The following KIAA1671 variants were observed in gnomAD, a reference collection of about 807,000 sequenced individuals.
KIAA1671 encodes the protein uncharacterized protein KIAA1671.
Under a neutral mutation model 131.2 loss-of-function variants are expected in KIAA1671, and 52 were observed. The observed-to-expected ratio is 0.40, with a 90% CI of 0.32 to 0.50. The LOEUF (loss-of-function observed/expected upper bound fraction) is 0.50. Among genes scored for constraint, KIAA1671 ranks in the 20% least tolerant of loss-of-function variants. The probability of loss-of-function intolerance (pLI) is 0.73; values close to 1 mark genes in which losing one functional copy is unlikely to be tolerated. For missense variants in KIAA1671, 2,360 were observed against 2,364.2 expected, an observed-to-expected ratio of 1.00 and a Z score of 0.04; for synonymous variants, 1,003 against 961.6, an observed-to-expected ratio of 1.04 and a Z score of -0.80.
intron 6 of KIAA1671, among the ~76,000 whole-genome samples, chr22:25,136,359 T>G (rs1932673818): frequency 6.6e-6 from 1 of 152,228 alleles, no homozygotes. Flanking sequence ...ACACAGCCAG[T>G]AAGCATCAGA....
chr22:25,133,444 G>A (rs567032173), intron 6 of KIAA1671, among the ~76,000 whole-genome samples: 1 of 152,318 alleles, frequency 6.6e-6, no homozygotes, highest in East Asian at 1.9e-4. Context: ...TGGTCATTTT[G>A]TTTTCCTTTT....
At chr22:25,024,603 G>C (rs1312209704) in intron 1 of KIAA1671, 1 of 152,244 alleles carries the variant, frequency 6.6e-6, no homozygotes, top group African/African-American at 2.4e-5. Context: ...ATTGCTTAGA[G>C]TCATTTGGCA....
chr22:24,999,790 T>A (rs1423223351), intron 1 of KIAA1671, among the ~76,000 whole-genome samples: 1 of 151,210 alleles, frequency 6.6e-6, no homozygotes, highest in African/African-American at 2.4e-5. Flanking sequence ...CTCAAACTTC[T>A]GGGCTCAAGC....
intron 1 of KIAA1671, among the ~76,000 whole-genome samples, chr22:25,022,006 C>T (rs1925698527): frequency 6.6e-6 from 1 of 151,980 alleles, no homozygotes; most frequent in African/African-American, 2.4e-5. Context: ...GATCTCCTGA[C>T]CTCGTGATCT....
At position 25,029,403 on chromosome 22, in the gene KIAA1671, G is replaced by A. The variant is rs1213766922; in HGVS notation, c.1404G>A (p.Ala468=). 6.4e-6 allele frequency: 10 copies of A among 1,551,290 alleles called. No homozygotes were observed. Among genetic ancestry groups the A allele is most frequent in the African/African-American group, 2.7e-5 (2 of 73,056 alleles). The part of the protein sequence containing the change: ...SPLATPASPS[A]APEPEKGVVS... The stretch of plus-strand genomic sequence containing the variant: ...TGGCCACCCCTGCGTCCCCATCGGC[G>A]GCACCAGAGCCGGAGAAAGGGGTTG... Residue 468 remains alanine (A), a synonymous_variant, in exon 3 of 13, where the codon GCG becomes GCA. Transcript: ENST00000358431.
chr22:25,158,679 A>C (rs187629670), intron 6 of KIAA1671, among the ~76,000 whole-genome samples: 31 of 152,206 alleles, frequency 2.0e-4, no homozygotes, highest in Non-Finnish European at 3.2e-4. Context: ...CAGGCCACTA[A>C]CTTGAAGCCC....
rs560988609 is a variant in KIAA1671 at position 25,194,321 on chromosome 22, C to T, written c.*1920C>T. ...GAACTTCTGGGCTCAAGCAATTGTC[C>T]CTCCTCAGCCTCCCAAAGTGCTCGG... On this transcript the variant is annotated 3_prime_UTR_variant, in exon 13 of 13. Coordinates refer to ENST00000358431, the MANE Select transcript of KIAA1671 (RefSeq NM_001145206.2). 192 of 152,394 alleles carry T rather than the reference C, an allele frequency of 1.3e-3. 3 individuals are homozygous for T. In the South Asian group the frequency reaches 0.031, roughly 25 times the overall value. The allele number at this position is 152,394 out of a possible 1,614,324, so 9.4% of individuals were successfully genotyped here.
intron 1 of KIAA1671, among the ~76,000 whole-genome samples, chr22:24,998,717 C>CA (rs34109303): frequency 0.27 from 20,083 of 75,752 alleles, 2,086 homozygotes; most frequent in East Asian, 0.52. Flanking sequence ...GACTCTGTCT[C>CA]AAAAAAAAAA....
rs76376278 is a variant in KIAA1671, at chr22:25,112,946, G to C, written c.4531-57874G>C. On this transcript the variant is annotated intron_variant, in intron 6 of 12. Transcript: ENST00000358431. ...GGAAAGGGTCTTAGGAGACCGAGGT[G>C]TGGTGGGCGAGTTTGCCCGCTGGCC... 7.6e-3 allele frequency among the ~76,000 whole-genome samples: 1,154 copies of C among 152,162 alleles called. 21 individuals carry two copies. Among genetic ancestry groups the C allele is most frequent in the African/African-American group, 0.027 (1,113 of 41,504 alleles).
chr22:25,057,822 G>C (rs1927939676), intron 6 of KIAA1671: 1 of 152,210 alleles, frequency 6.6e-6, no homozygotes, highest in Admixed American at 6.6e-5. Flanking sequence ...TGTATTTTTT[G>C]TAGAGACAGG....
chr22:25,188,445 CGGGT>C (rs1247731627), intron 11 of KIAA1671, among the ~76,000 whole-genome samples: 9 of 114,872 alleles, frequency 7.8e-5, no homozygotes, highest in South Asian at 3.0e-4. Flanking sequence ...CAGAGCCAAT[CGGGT>C]GTGTGTGTGT....
intron 11 of KIAA1671, among the ~76,000 whole-genome samples, chr22:25,190,399 A>G (rs1006043741): frequency 4.6e-5 from 7 of 152,156 alleles, no homozygotes; most frequent in Non-Finnish European, 7.3e-5. Context: ...AGCTTCGCTC[A>G]CTCGCCCACC....
chr22:24,995,613 C>A (rs564512228), intron 1 of KIAA1671, among the ~76,000 whole-genome samples: 3 of 152,174 alleles, frequency 2.0e-5, no homozygotes, highest in Non-Finnish European at 4.4e-5. Flanking sequence ...ACTGCCTTGG[C>A]CTCCCAAAGT....
At chr22:25,175,083 G>A (rs538493775) in intron 8 of KIAA1671, 16 of 152,542 alleles carry the variant, frequency 1.0e-4, no homozygotes, top group Admixed American at 9.1e-4. Flanking sequence ...CAGGATGTCA[G>A]CTGCCCCAGC....
intron 6 of KIAA1671, among the ~76,000 whole-genome samples, chr22:25,107,653 G>A (rs550312347): frequency 6.6e-6 from 1 of 151,728 alleles, no homozygotes; most frequent in Non-Finnish European, 1.5e-5. Flanking sequence ...TTCCCAAAGA[G>A]CTGGGATTAC....
chr22:25,177,390 C>T lies in KIAA1671; in HGVS notation c.4942C>T (p.Gln1648Ter). ...CTCAAGTGCCCTCAAGACCCGGGTG[C>T]AGCTCAGCAAGAGAAGCCGCCGCCG... ...LDSSALKTRVQLSKRSRRRAP... is the reference protein window; with the variant it reads ...LDSSALKTRV Residue 1648 changes from glutamine to a stop codon, truncating the protein, a stop_gained, in exon 9 of 13, where the codon CAG (glutamine) becomes TAG (stop). Transcript: ENST00000358431. LOFTEE classifies it high-confidence loss of function. 1 of 1,551,808 alleles carries T rather than the reference C, an allele frequency of 6.4e-7. No individual in the cohort carries two copies. Among genetic ancestry groups the T allele is most frequent in the Non-Finnish European group, 8.7e-7 (1 of 1,147,036 alleles).
In KIAA1671 at chr22:25,133,004, G is replaced by A. The variant is rs181712415; in HGVS notation, c.4531-37816G>A. On this transcript the variant is annotated intron_variant, in intron 6 of 12. Transcript: ENST00000358431. ...CAGGAGGCAGAGGTTGCAGTGAGCC[G>A]AGATTACACCATTGCATTCCACCTG... Among the ~76,000 whole-genome samples the A allele has an allele frequency of 1.9e-3, 275 of 141,374 alleles. 1 individual carries two copies. The highest frequency in any genetic ancestry group is 7.0e-3 in the African/African-American group (264 of 37,930). 92.7% of individuals were successfully genotyped at this position (141,374 alleles called of 152,430 possible). A position where few individuals can be genotyped will look rare whatever the true frequency, so the allele number is the denominator to read the frequency against.
intron 6 of KIAA1671, among the ~76,000 whole-genome samples, chr22:25,151,698 C>G (rs551869785): frequency 5.1e-4 from 77 of 152,184 alleles, no homozygotes; most frequent in African/African-American, 1.9e-3. Context: ...CCCCGGCCTC[C>G]CAAAGTGCTG....
Position 25,038,755 on chromosome 22 carries a change from T to G in KIAA1671, c.1630-5T>G. ...GTGTTTCTTTTTCTTTTTGTTTCTT[T>G]CCAGCAAAAGGAGGGGCACAGTTTG... On this transcript the variant is annotated splice_polypyrimidine_tract_variant and splice_region_variant and intron_variant, in intron 4 of 12. Coordinates refer to ENST00000358431, the MANE Select transcript of KIAA1671 (RefSeq NM_001145206.2). The G allele has an allele frequency of 2.6e-6, 4 of 1,520,280 alleles. No individual in the cohort carries two copies. The highest frequency in any genetic ancestry group is 3.6e-6 in the Non-Finnish European group (4 of 1,126,240). The allele number at this position is 1,520,280 out of a possible 1,614,324, so 94.2% of individuals were successfully genotyped here. A position where few individuals can be genotyped will look rare whatever the true frequency, so the allele number is the denominator to read the frequency against.
Sources: gnomAD v4.1 joint callset for allele counts (sites outside exome capture counted in the v4.1 genomes callset) on GRCh38, gnomAD v4.1.1 for gene constraint, MANE v1.5 for transcripts, NCBI Gene and HGNC (gene_info 2026-07-23, HGNC 2026-07-21) for gene names.